The following RGS6 variants were observed in gnomAD, a reference collection of about 807,000 sequenced individuals.
The protein encoded by RGS6 is regulator of G-protein signaling 6.
In RGS6, 30 loss-of-function variants were observed where a neutral mutation model predicts 78.5. The ratio of observed to expected loss-of-function variants is 0.38; its 90% CI spans 0.29 to 0.52. The LOEUF (loss-of-function observed/expected upper bound fraction) is 0.52. Among genes scored for constraint, RGS6 ranks in the 20% least tolerant of loss-of-function variants. RGS6 has a pLI of 0.85. For missense variants in RGS6, 495 were observed against 609.7 expected (o/e 0.81, Z 1.98); for synonymous variants, 206 against 206.0 (o/e 1.00, Z 0.00).
chr14:72,619,268 C>T, the RGS6 span: 1 of 1,534,928 alleles, frequency 6.5e-7, no homozygotes, highest in Non-Finnish European at 8.7e-7. Flanking sequence ...GGATCTCCAG[C>T]AGCGAGTCAC....
chr14:72,383,177 C>CACATAT (rs1456122152), intron 3 of RGS6, among the ~76,000 whole-genome samples: 3 of 71,024 alleles, frequency 4.2e-5, no homozygotes, highest in Non-Finnish European at 5.9e-5. Context: ...AAAAATTGTA[C>CACATAT]ATATATATAT....
intron 2 of RGS6, among the ~76,000 whole-genome samples, chr14:72,189,335 G>A (rs1793654908): frequency 6.6e-6 from 1 of 152,146 alleles, no homozygotes; most frequent in South Asian, 2.1e-4. Flanking sequence ...AGTAACATCA[G>A]CAAGAGTAGC....
At chr14:72,260,703 G>A (rs2058002396) in intron 2 of RGS6, among the ~76,000 whole-genome samples, 1 of 152,222 alleles carries the variant, frequency 6.6e-6, no homozygotes, top group Admixed American at 6.5e-5. Flanking sequence ...CCACTTGGAT[G>A]CCTGCGGAGC....
intron 3 of RGS6, among the ~76,000 whole-genome samples, chr14:72,375,158 T>C (rs1243762298): frequency 1.8e-4 from 28 of 152,176 alleles, no homozygotes; most frequent in Admixed American, 1.8e-3. Context: ...TTTTGAGAAG[T>C]AAATAACAGA....
chr14:72,439,700 C>T (rs1206184955), intron 3 of RGS6, among the ~76,000 whole-genome samples: 1 of 152,208 alleles, frequency 6.6e-6, no homozygotes, highest in Non-Finnish European at 1.5e-5. Flanking sequence ...CTACAGCTGC[C>T]TCAGTAAGCT....
At chr14:72,457,857 A>G (rs147237584) in intron 4 of RGS6, among the ~76,000 whole-genome samples, 358 of 152,286 alleles carry the variant, frequency 2.4e-3, no homozygotes, top group Non-Finnish European at 4.0e-3. Context: ...CTGCATTCTT[A>G]CTGCTGGGGA....
chr14:71,929,525 T>C (rs184906975), upstream of RGS6, among the ~76,000 whole-genome samples: 20 of 152,346 alleles, frequency 1.3e-4, no homozygotes, highest in Admixed American at 3.9e-4. Flanking sequence ...TCGATTAAGA[T>C]GATACCTCCC....
In RGS6 at chr14:72,152,241, A is replaced by AGT. The variant is rs1191120897; in HGVS notation, c.84+187367_84+187368insTG. ...CTGCATGAGAGAGAGAGAGAGAGAGAGAGAGTGTGTGTGTGTGTGTGTGTG... is the reference window on the plus strand; with the variant it reads ...CTGCATGAGAGAGAGAGAGAGAGAGAGTGAGAGTGTGTGTGTGTGTGTGTGTG... On this transcript the variant is annotated intron_variant, in intron 2 of 17. Transcript: ENST00000553525. 2.2e-3 allele frequency among the ~76,000 whole-genome samples: 257 copies of AGT among 118,842 alleles called. 1 individual carries two copies. Among genetic ancestry groups the AGT allele is most frequent in the African/African-American group, 6.7e-3 (238 of 35,450 alleles). The allele number at this position is 118,842 out of a possible 152,430, so 78.0% of individuals were successfully genotyped here.
intron 16 of RGS6, among the ~76,000 whole-genome samples, chr14:72,538,249 ATG>A (rs1347044077): frequency 6.6e-6 from 1 of 152,216 alleles, no homozygotes; most frequent in Non-Finnish European, 1.5e-5. Flanking sequence ...CATAAAAGGT[ATG>A]TGAGATTCAC....
chr14:72,300,227 T>C (rs2065769738), intron 2 of RGS6, among the ~76,000 whole-genome samples: 1 of 152,180 alleles, frequency 6.6e-6, no homozygotes, highest in African/African-American at 2.4e-5. Flanking sequence ...AGAACTGCTT[T>C]AACATAGATT....
rs2063975994 is a variant in RGS6 at position 72,293,237 on chromosome 14, TATC to T, written c.85-58855_85-58853del. Among the ~76,000 whole-genome samples, 6 of 152,368 alleles carry T rather than the reference TATC, an allele frequency of 3.9e-5. No individual in the cohort carries two copies. The South Asian group carries it at 1.2e-3, about 32-fold the overall frequency. On this transcript the variant is annotated intron_variant, in intron 2 of 17. Coordinates refer to ENST00000553525, the MANE Select transcript of RGS6 (RefSeq NM_001204424.2). ...TCTATTTTGGTTCATTCTTTGCCAT[TATC>T]ATGTAACAAGTTCAAGATAATTGTG...
chr14:72,623,422 T>G, the RGS6 span, among the ~76,000 whole-genome samples: 67 of 152,314 alleles, frequency 4.4e-4, no homozygotes, highest in African/African-American at 1.5e-3. Flanking sequence ...AAACAATTAA[T>G]TTGACAATAC....
At chr14:72,172,249 C>T (rs938774718) in intron 2 of RGS6, among the ~76,000 whole-genome samples, 1 of 151,106 alleles carries the variant, frequency 6.6e-6, no homozygotes, top group South Asian at 2.1e-4. Context: ...CCTCACTCAG[C>T]AGTCCTTTCG....
intron 15 of RGS6, among the ~76,000 whole-genome samples, chr14:72,520,157 TA>T (rs541257416): frequency 6.6e-6 from 1 of 151,974 alleles, no homozygotes; most frequent in Non-Finnish European, 1.5e-5. Flanking sequence ...TATGTATCTC[TA>T]AAAAAAAGAT....
chr14:72,250,842 G>A (rs2055564059), intron 2 of RGS6, among the ~76,000 whole-genome samples: 1 of 152,190 alleles, frequency 6.6e-6, no homozygotes, highest in Non-Finnish European at 1.5e-5. Flanking sequence ...TCCAGGGTTA[G>A]ATCCTGTAGG....
intron 1 of RGS6, among the ~76,000 whole-genome samples, chr14:71,962,076 T>A (rs2215133): frequency 0.94 from 143,202 of 152,348 alleles, 67,404 homozygotes; most frequent in East Asian, 0.99. Flanking sequence ...TAGAAATGAT[T>A]CTTTCTAGAC....
intron 2 of RGS6, among the ~76,000 whole-genome samples, chr14:72,324,311 TAAAC>T (rs2073069958): frequency 6.6e-6 from 1 of 151,908 alleles, no homozygotes; most frequent in Non-Finnish European, 1.5e-5. Flanking sequence ...ACAAACACCA[TAAAC>T]AAAATCAGAA....
At chr14:72,218,029 A>C (rs1047500518) in intron 2 of RGS6, among the ~76,000 whole-genome samples, 1 of 152,208 alleles carries the variant, frequency 6.6e-6, no homozygotes, top group Non-Finnish European at 1.5e-5. Flanking sequence ...GTTGAAAAAA[A>C]CTTTGAAGAA....
chr14:72,349,265 C>T (rs991700242), intron 2 of RGS6, among the ~76,000 whole-genome samples: 2 of 152,204 alleles, frequency 1.3e-5, no homozygotes, highest in African/African-American at 4.8e-5. Context: ...GGGTTCAGTA[C>T]CATTTGCTCC....
Sources: gnomAD v4.1 joint callset for allele counts (sites outside exome capture counted in the v4.1 genomes callset) on GRCh38, gnomAD v4.1.1 for gene constraint, MANE v1.5 for transcripts, NCBI Gene and HGNC (gene_info 2026-07-23, HGNC 2026-07-21) for gene names.